Variants in DLG2 observed in about 807,000 individuals in gnomAD.
DLG2 encodes disks large homolog 2.
A neutral mutation model predicts 132.5 loss-of-function variants in DLG2; 45 were observed. The ratio of observed to expected loss-of-function variants is 0.34; its 90% CI spans 0.27 to 0.44. The LOEUF (loss-of-function observed/expected upper bound fraction) is 0.44, where lower values mean the gene tolerates loss of function less well. Among genes scored for constraint, DLG2 ranks in the 20% least tolerant of loss-of-function variants. The pLI is 1.00. For synonymous variants in DLG2, 424 were observed against 419.6 expected, an observed-to-expected ratio of 1.01 and a Z score of -0.13; for missense variants, 1,045 against 1,196.9, an observed-to-expected ratio of 0.87 and a Z score of 1.87.
At chr11:83,517,716 T>G (rs528293609) in intron 21 of DLG2, among the ~76,000 whole-genome samples, 12 of 152,360 alleles carry the variant, frequency 7.9e-5, no homozygotes, top group Admixed American at 7.2e-4. Flanking sequence ...ATGTCCTTTC[T>G]GTTTGTTAGT....
rs570890457 is a variant in DLG2 at position 84,420,544 on chromosome 11, G to GA, written c.519+114025dup. Among the ~76,000 whole-genome samples the GA allele has an allele frequency of 3.6e-4, 54 of 150,010 alleles. 1 individual carries two copies. In the South Asian group the frequency reaches 0.011, roughly 30 times the overall value. ...TGTTATTCAAGCAAAATTTCAGGAG[G>GA]AAAAAATGTATCACGAGGGTGCTTC... is the stretch of plus-strand genomic sequence containing the variant. On this transcript the variant is annotated intron_variant, in intron 7 of 27. Coordinates refer to ENST00000376104, the MANE Select transcript of DLG2 (RefSeq NM_001142699.3).
intron 7 of DLG2, among the ~76,000 whole-genome samples, chr11:84,457,149 T>C (rs371421954): frequency 1.3e-5 from 2 of 151,256 alleles, no homozygotes; most frequent in Admixed American, 6.6e-5. Context: ...TCTAATCTTG[T>C]TGAGAACAGA....
chr11:84,039,021 G>T (rs746646888), intron 11 of DLG2, among the ~76,000 whole-genome samples: 2 of 152,004 alleles, frequency 1.3e-5, no homozygotes, highest in African/African-American at 2.4e-5. Flanking sequence ...TACAAGATGA[G>T]ATTTGTTTTA....
chr11:84,335,566 C>G (rs1410002720), intron 7 of DLG2, among the ~76,000 whole-genome samples: 6 of 152,158 alleles, frequency 3.9e-5, no homozygotes, highest in Non-Finnish European at 8.8e-5. Flanking sequence ...CGTTTTCCAA[C>G]AGTTTACGGG....
At chr11:85,235,960 T>C (rs551949466) in intron 4 of DLG2, among the ~76,000 whole-genome samples, 1 of 152,034 alleles carries the variant, frequency 6.6e-6, no homozygotes, top group Non-Finnish European at 1.5e-5. Flanking sequence ...AGGAGACTTA[T>C]TCAGTAGATA....
At chr11:85,542,730 A>G (rs2076053081) in intron 3 of DLG2, among the ~76,000 whole-genome samples, 1 of 152,212 alleles carries the variant, frequency 6.6e-6, no homozygotes, top group Admixed American at 6.5e-5. Context: ...TTGACATGAC[A>G]TTTCATAGGC....
In DLG2 at chr11:83,833,690, A is replaced by G; in HGVS notation, c.1646T>C (p.Ile549Thr). Reference protein sequence around the residue: ...NIVGGEDGEGIFVSFILAGGP... With the variant: ...NIVGGEDGEGTFVSFILAGGP... Reference sequence around the variant, plus strand: ...ACCAGCCAGAATGAAGGACACAAAAATACCTTCTCCATCTTCCCCACCGAC... The same window carrying G: ...ACCAGCCAGAATGAAGGACACAAAAGTACCTTCTCCATCTTCCCCACCGAC... The change falls in exon 17 of 28, where the codon ATT becomes ACT. Residue 549 changes from isoleucine to threonine, a missense_variant. By Grantham distance (89) the Ile-to-Thr change is moderately conservative. Around this residue, in one of 4 missense-constraint regions of DLG2, gnomAD observed 398 missense variants for 543.6 expected, o/e 0.73. Coordinates refer to ENST00000376104, the MANE Select transcript of DLG2 (RefSeq NM_001142699.3). 6.2e-7 allele frequency: 1 copy of G among 1,614,060 alleles called. No individual in the cohort carries two copies. The highest frequency in any genetic ancestry group is 8.5e-7 in the Non-Finnish European group (1 of 1,179,988).
chr11:84,978,983 A>G (rs1336034504), intron 6 of DLG2, among the ~76,000 whole-genome samples: 3 of 152,144 alleles, frequency 2.0e-5, no homozygotes, highest in East Asian at 3.9e-4. Flanking sequence ...AAACAACCCC[A>G]TCAACAAGTG....
At chr11:85,094,118 T>C (rs145309127) in intron 6 of DLG2, among the ~76,000 whole-genome samples, 68 of 152,314 alleles carry the variant, frequency 4.5e-4, no homozygotes, top group African/African-American at 1.6e-3. Context: ...AACATTGGAA[T>C]TATGGCTTTC....
intron 3 of DLG2, among the ~76,000 whole-genome samples, chr11:85,475,937 C>T (rs992524481): frequency 2.0e-5 from 3 of 152,020 alleles, no homozygotes; most frequent in South Asian, 4.1e-4. Flanking sequence ...TACGAATAGA[C>T]GTAATATCCA....
chr11:83,641,836 T>G (rs1447842200), intron 18 of DLG2, among the ~76,000 whole-genome samples: 1 of 151,594 alleles, frequency 6.6e-6, no homozygotes, highest in Admixed American at 6.6e-5. Context: ...TTACAGATGT[T>G]TGGCTTACAA....
At chr11:84,617,280 C>T (rs767907164) in intron 6 of DLG2, among the ~76,000 whole-genome samples, 8 of 151,988 alleles carry the variant, frequency 5.3e-5, no homozygotes, top group South Asian at 2.1e-4. Flanking sequence ...TGATGGTTTC[C>T]AGCTTCATCC....
At chr11:84,363,620 C>A (rs956714316) in intron 7 of DLG2, among the ~76,000 whole-genome samples, 11 of 151,748 alleles carry the variant, frequency 7.2e-5, no homozygotes, top group African/African-American at 2.7e-4. Context: ...CCTAGGTTTT[C>A]TTCTAGGGTT....
chr11:85,477,745 A>C (rs1353155478), intron 3 of DLG2, among the ~76,000 whole-genome samples: 1 of 152,242 alleles, frequency 6.6e-6, no homozygotes, highest in African/African-American at 2.4e-5. Flanking sequence ...GTGCCAAAAA[A>C]GAGTAACATG....
rs779880485 is a variant in DLG2, at chr11:83,894,212, G to C, written c.1497-19724C>G. ...TCTGTATCTACTGAAATTCAGCACT[G>C]TGCTAGGTAGTATAAGAGTTACAAA... On this transcript the variant is annotated intron_variant, in intron 15 of 27. Coordinates refer to ENST00000376104, the MANE Select transcript of DLG2 (RefSeq NM_001142699.3). Among the ~76,000 whole-genome samples the C allele has an allele frequency of 2.0e-5, 3 of 152,292 alleles. No homozygotes were observed. In the South Asian group the frequency reaches 6.2e-4, roughly 32 times the overall value.
chr11:84,948,432 T>A (rs1351340276), intron 6 of DLG2, among the ~76,000 whole-genome samples: 6 of 152,198 alleles, frequency 3.9e-5, no homozygotes, highest in Non-Finnish European at 5.9e-5. Flanking sequence ...ACAGAAGACA[T>A]GACCAAAGAA....
At chr11:85,200,536 C>G (rs912403935) in intron 4 of DLG2, among the ~76,000 whole-genome samples, 2 of 152,206 alleles carry the variant, frequency 1.3e-5, no homozygotes, top group African/African-American at 4.8e-5. Flanking sequence ...GCATCAGCCC[C>G]TTGCATTGCA....
At chr11:83,954,973 CAT>C (rs2086459691) in intron 14 of DLG2, among the ~76,000 whole-genome samples, 3 of 152,236 alleles carry the variant, frequency 2.0e-5, no homozygotes, top group African/African-American at 4.8e-5. Context: ...TAGATTACAA[CAT>C]GTTTGAGCAG....
intron 6 of DLG2, among the ~76,000 whole-genome samples, chr11:84,799,347 C>T (rs1392996526): frequency 6.6e-6 from 1 of 152,128 alleles, no homozygotes; most frequent in African/African-American, 2.4e-5. Flanking sequence ...CTGTGCTCTT[C>T]CTCCCCCAAG....
Sources: allele counts gnomAD v4.1 joint callset (sites outside exome capture counted in the v4.1 genomes callset), GRCh38; gene constraint gnomAD v4.1.1; regional missense constraint gnomAD v4.1.1; transcripts MANE v1.5; gene names NCBI Gene and HGNC (gene_info 2026-07-23, HGNC 2026-07-21).